Variants in TRPC5 observed in about 807,000 individuals in gnomAD.
The protein encoded by TRPC5 is transient receptor potential cation channel subfamily C member 5, also known as short transient receptor potential channel 5.
Under a neutral mutation model 56.5 loss-of-function variants are expected in TRPC5, and 9 were observed. That is an observed-to-expected ratio of 0.16 (90% CI 0.10 to 0.28). TRPC5 has a LOEUF of 0.28. Among genes scored for constraint, TRPC5 ranks in the 10% least tolerant of loss-of-function variants. The probability of loss-of-function intolerance (pLI) is 1.00; values close to 1 mark genes in which losing one functional copy is unlikely to be tolerated. For synonymous variants in TRPC5, 282 were observed against 278.5 expected, an observed-to-expected ratio of 1.01 and a Z score of -0.13; for missense variants, 469 against 748.9, an observed-to-expected ratio of 0.63 and a Z score of 4.36.
At chrX:112,015,609 G>C (rs1284862714) in intron 1 of TRPC5, among the ~76,000 whole-genome samples, 3 of 111,317 alleles carry the variant, frequency 2.7e-5, no homozygotes, top group Non-Finnish European at 5.6e-5. Flanking sequence ...GGCACAATTC[G>C]CGTCATCCGG....
intron 1 of TRPC5, among the ~76,000 whole-genome samples, chrX:112,081,629 G>A (rs1036846540): frequency 9.0e-6 from 1 of 111,680 alleles, no homozygotes; most frequent in African/African-American, 3.3e-5. Context: ...GTGAAAGGAT[G>A]TTTTTGGTCA....
rs1171322677 is a variant in TRPC5 at position 111,775,159 on chromosome X, A to C, written c.*1154T>G. 1 of 112,011 alleles carries C rather than the reference A, an allele frequency of 8.9e-6. No individual in the cohort carries two copies. The highest frequency in any genetic ancestry group is 2.8e-4 in the East Asian group (1 of 3,600). 9.2% of individuals were successfully genotyped at this position (112,011 alleles called of 1,213,427 possible). A position where few individuals can be genotyped will look rare whatever the true frequency, so the allele number is the denominator to read the frequency against. On this transcript the variant is annotated 3_prime_UTR_variant, in exon 11 of 11. Coordinates refer to ENST00000262839, the MANE Select transcript of TRPC5 (RefSeq NM_012471.3). Reference sequence around the variant, plus strand: ...ACGTTTATAATTCCATGAATCCACTAGGGTTGTTATGATATATATCTAACA... The same window carrying C: ...ACGTTTATAATTCCATGAATCCACTCGGGTTGTTATGATATATATCTAACA...
intron 7 of TRPC5, among the ~76,000 whole-genome samples, chrX:111,788,915 G>A (rs1486408804): frequency 9.0e-6 from 1 of 111,615 alleles, no homozygotes; most frequent in Non-Finnish European, 1.9e-5. Flanking sequence ...AAATAAAATA[G>A]GGTACAAACA....
intron 1 of TRPC5, among the ~76,000 whole-genome samples, chrX:111,953,525 T>A (rs1927149092): frequency 8.9e-6 from 1 of 111,816 alleles, no homozygotes; most frequent in Non-Finnish European, 1.9e-5. Flanking sequence ...TGGGAATGAT[T>A]ATCTTCTCCA....
intron 3 of TRPC5, among the ~76,000 whole-genome samples, chrX:111,859,829 A>G (rs987402227): frequency 4.4e-5 from 5 of 112,871 alleles, no homozygotes; most frequent in African/African-American, 1.3e-4. Flanking sequence ...GTTCTGTTAG[A>G]AAAGAAAATA....
At chrX:111,929,508 A>G (rs1001567108) in intron 2 of TRPC5, among the ~76,000 whole-genome samples, 1 of 112,263 alleles carries the variant, frequency 8.9e-6, no homozygotes, top group Non-Finnish European at 1.9e-5. Context: ...GATCAAGTGG[A>G]CCACAGCTAA....
At chrX:111,783,257 A>G (rs961828073) in intron 7 of TRPC5, among the ~76,000 whole-genome samples, 3 of 112,273 alleles carry the variant, frequency 2.7e-5, no homozygotes, top group East Asian at 5.6e-4. Flanking sequence ...TAAAGCTGCT[A>G]TGACCATTCA....
intron 3 of TRPC5, among the ~76,000 whole-genome samples, chrX:111,894,016 A>G (rs972725947): frequency 1.3e-4 from 15 of 111,692 alleles, no homozygotes; most frequent in African/African-American, 4.9e-4. Flanking sequence ...GGTGTTTTTT[A>G]AAACAAGCTA....
At chrX:111,801,105 T>G (rs1253289963) in intron 7 of TRPC5, among the ~76,000 whole-genome samples, 2 of 112,316 alleles carry the variant, frequency 1.8e-5, no homozygotes, top group African/African-American at 6.5e-5. Flanking sequence ...TCATCTCTAC[T>G]GATTTATCTG....
intron 1 of TRPC5, among the ~76,000 whole-genome samples, chrX:111,963,621 C>A (rs950831313): frequency 3.6e-5 from 4 of 111,343 alleles, no homozygotes; most frequent in Admixed American, 9.6e-5. Flanking sequence ...TCTTCTGAGA[C>A]AAAACTTCCA....
In TRPC5 at chrX:111,886,344, A is replaced by G. The variant is rs762714265; in HGVS notation, c.900+25947T>C. 2.7e-5 allele frequency among the ~76,000 whole-genome samples: 3 copies of G among 112,694 alleles called. No individual in the cohort carries two copies. The Admixed American group carries it at 2.8e-4, about 11-fold the overall frequency. On this transcript the variant is annotated intron_variant, in intron 3 of 10. Transcript: ENST00000262839. Reference sequence around the variant, plus strand: ...TCCTCAGTGTCAGATACTTCAGTACATACCCATGTAGCCAAGGTTGTTGTA... The same window carrying G: ...TCCTCAGTGTCAGATACTTCAGTACGTACCCATGTAGCCAAGGTTGTTGTA...
chrX:111,782,845 G>T (rs1945931868), intron 7 of TRPC5, among the ~76,000 whole-genome samples: 1 of 57,309 alleles, frequency 1.7e-5, no homozygotes, highest in Non-Finnish European at 3.0e-5. Flanking sequence ...ACACACATCA[G>T]TGTACATTTC....
At chrX:111,899,663 C>G (rs1925243425) in intron 3 of TRPC5, among the ~76,000 whole-genome samples, 1 of 110,844 alleles carries the variant, frequency 9.0e-6, no homozygotes, top group Non-Finnish European at 1.9e-5. Flanking sequence ...TATATACCAT[C>G]TAGTAGTTAT....
At chrX:111,846,174 G>A (rs1217187605) in intron 6 of TRPC5, among the ~76,000 whole-genome samples, 2 of 111,490 alleles carry the variant, frequency 1.8e-5, no homozygotes, top group African/African-American at 6.5e-5. Context: ...TTGGTTTATG[G>A]CGTTATAAGG....
rs1376543525 is a variant in TRPC5 at position 111,952,380 on chromosome X, T to C, written c.41A>G (p.Tyr14Cys). Residue 14 changes from tyrosine (Y) to cysteine (C), a missense_variant, in exon 2 of 11, where the codon TAC becomes TGC. By Grantham distance (194) the Tyr-to-Cys change is radical. Around this residue, in one of 3 missense-constraint regions of TRPC5, gnomAD observed 118 missense variants for 167.1 expected, o/e 0.71. Coordinates refer to ENST00000262839, the MANE Select transcript of TRPC5 (RefSeq NM_012471.3). ...AATTTGCAGGGGGATGCGGTCTCTG[T>C]ACGGTGAGTAGTTGACCTTTTTGTA... Reference protein sequence around the residue: ...LYYKKVNYSPYRDRIPLQIVR... With the variant: ...LYYKKVNYSPCRDRIPLQIVR... 1.7e-6 allele frequency: 2 copies of C among 1,208,495 alleles called. No individual in the cohort carries two copies. Among genetic ancestry groups the C allele is most frequent in the African/African-American group, 3.5e-5 (2 of 57,098 alleles).
At chrX:111,854,684 T>C (rs1195258317) in intron 3 of TRPC5, among the ~76,000 whole-genome samples, 1 of 112,377 alleles carries the variant, frequency 8.9e-6, no homozygotes, top group African/African-American at 3.2e-5. Flanking sequence ...AAACACAAAC[T>C]GGCAGGGAAT....
chrX:111,983,470 G>A (rs1367664493), intron 1 of TRPC5, among the ~76,000 whole-genome samples: 1 of 110,250 alleles, frequency 9.1e-6, no homozygotes, highest in African/African-American at 3.4e-5. Context: ...ATTTACATGG[G>A]GAACAAAATC....
intron 1 of TRPC5, among the ~76,000 whole-genome samples, chrX:112,037,412 C>T (rs1929775355): frequency 8.9e-6 from 1 of 111,997 alleles, no homozygotes; most frequent in African/African-American, 3.2e-5. Flanking sequence ...AATAGTTAAT[C>T]ATATTTGCTC....
intron 7 of TRPC5, among the ~76,000 whole-genome samples, chrX:111,828,079 A>G (rs769871964): frequency 1.8e-5 from 2 of 111,782 alleles, no homozygotes; most frequent in African/African-American, 6.5e-5. Flanking sequence ...TATAGAATTC[A>G]TTTCTATAGT....
Sources: allele counts gnomAD v4.1 joint callset (sites outside exome capture counted in the v4.1 genomes callset), GRCh38; gene constraint gnomAD v4.1.1; regional missense constraint gnomAD v4.1.1; transcripts MANE v1.5; gene names NCBI Gene and HGNC (gene_info 2026-07-23, HGNC 2026-07-21).